Variants in NMNAT2 observed in about 807,000 individuals in gnomAD.
The protein encoded by NMNAT2 is nicotinamide nucleotide adenylyltransferase 2.
A neutral mutation model predicts 41.6 loss-of-function variants in NMNAT2; 11 were observed. The observed-to-expected ratio is 0.26, with a 90% confidence interval of 0.17 to 0.44. The LOEUF (loss-of-function observed/expected upper bound fraction) is 0.44. NMNAT2 is among the 20% of genes least tolerant of loss of function. The pLI, the probability that NMNAT2 is intolerant of heterozygous loss-of-function variation, is 1.00. For missense variants in NMNAT2, 288 were observed against 407.7 expected (o/e 0.71, Z 2.53); for synonymous variants, 148 against 151.2 (o/e 0.98, Z 0.16).
chr1:183,275,703 TGC>T (rs1661105138), intron 8 of NMNAT2, among the ~76,000 whole-genome samples: 1 of 151,984 alleles, frequency 6.6e-6, no homozygotes. Context: ...GACAGAGTCT[TGC>T]TCTGTCACCC....
chr1:183,293,495 G>A (rs1223899719), intron 2 of NMNAT2, among the ~76,000 whole-genome samples: 2 of 152,194 alleles, frequency 1.3e-5, no homozygotes, highest in African/African-American at 4.8e-5. Context: ...ATGGACAGCT[G>A]GTCTTTCCAG....
chr1:183,279,780 G>A (rs1317153777), intron 7 of NMNAT2, among the ~76,000 whole-genome samples: 1 of 152,228 alleles, frequency 6.6e-6, no homozygotes, highest in African/African-American at 2.4e-5. Flanking sequence ...CCACGTAAGG[G>A]AGCCCCACTG....
At chr1:183,371,226 T>G (rs1262426236) in intron 1 of NMNAT2, among the ~76,000 whole-genome samples, 5 of 152,168 alleles carry the variant, frequency 3.3e-5, no homozygotes, top group South Asian at 2.1e-4. Context: ...TGAAAAAGGC[T>G]ATATACAGCA....
intron 8 of NMNAT2, among the ~76,000 whole-genome samples, chr1:183,273,987 A>G (rs1168228465): frequency 6.6e-6 from 1 of 151,254 alleles, no homozygotes; most frequent in African/African-American, 2.4e-5. Context: ...ATCTTGGCTC[A>G]CTGCAACCTC....
At chr1:183,288,469 C>T (rs763199535) in intron 4 of NMNAT2, among the ~76,000 whole-genome samples, 9 of 152,218 alleles carry the variant, frequency 5.9e-5, no homozygotes, top group Admixed American at 1.3e-4. Context: ...TTCTGCCCAT[C>T]GCTGCAACAG....
At chr1:183,282,155 C>T (rs1413679171) in intron 7 of NMNAT2, among the ~76,000 whole-genome samples, 1 of 152,206 alleles carries the variant, frequency 6.6e-6, no homozygotes, top group Non-Finnish European at 1.5e-5. Context: ...CATTCTCTAC[C>T]CCACACTGTC....
intron 1 of NMNAT2, among the ~76,000 whole-genome samples, chr1:183,314,190 C>G (rs1662190408): frequency 6.6e-6 from 1 of 152,216 alleles, no homozygotes; most frequent in Non-Finnish European, 1.5e-5. Context: ...CCAAACAGAG[C>G]AAATATAATG....
chr1:183,257,955 T>C (rs1660562899), intron 10 of NMNAT2, among the ~76,000 whole-genome samples: 1 of 152,208 alleles, frequency 6.6e-6, no homozygotes, highest in Non-Finnish European at 1.5e-5. Context: ...TTTGGGGTCT[T>C]TCTTCTGTTT....
At chr1:183,338,154 A>AAG (rs1179659671) in intron 1 of NMNAT2, among the ~76,000 whole-genome samples, 16 of 148,922 alleles carry the variant, frequency 1.1e-4, no homozygotes, top group Admixed American at 4.0e-4. Flanking sequence ...CTCTTTAAAA[A>AAG]AAAAAAAAAA....
intron 1 of NMNAT2, among the ~76,000 whole-genome samples, chr1:183,349,493 G>A (rs957993361): frequency 4.6e-5 from 7 of 152,272 alleles, no homozygotes; most frequent in African/African-American, 1.7e-4. Context: ...CCCCCGCTGA[G>A]AATTTTAAAT....
chr1:183,363,782 G>A (rs1024923283), intron 1 of NMNAT2, among the ~76,000 whole-genome samples: 6 of 152,204 alleles, frequency 3.9e-5, no homozygotes, highest in Non-Finnish European at 5.9e-5. Context: ...AGGGTGGCTT[G>A]AGAGGGTTGG....
chr1:183,384,414 C>T (rs754076047), intron 1 of NMNAT2, among the ~76,000 whole-genome samples: 10 of 152,088 alleles, frequency 6.6e-5, no homozygotes, highest in African/African-American at 1.2e-4. Context: ...TGGCCATGCT[C>T]GTCTCAAACT....
At chr1:183,395,499 G>A (rs1308009576) in intron 1 of NMNAT2, among the ~76,000 whole-genome samples, 1 of 152,088 alleles carries the variant, frequency 6.6e-6, no homozygotes, top group Non-Finnish European at 1.5e-5. Context: ...CCTCTCCCTA[G>A]AGTTGAGTGG....
chr1:183,416,681 G>T (rs1002696028), intron 1 of NMNAT2, among the ~76,000 whole-genome samples: 3 of 152,176 alleles, frequency 2.0e-5, no homozygotes, highest in Admixed American at 6.5e-5. Context: ...CTTCTATCGT[G>T]TAGATATGCC....
chr1:183,287,136 G>A (rs534255487), intron 4 of NMNAT2, among the ~76,000 whole-genome samples: 3 of 152,188 alleles, frequency 2.0e-5, no homozygotes, highest in Non-Finnish European at 2.9e-5. Context: ...TCACACAAGC[G>A]AGCATATGCA....
At chr1:183,336,288 G>GAT (rs1477998531) in intron 1 of NMNAT2, among the ~76,000 whole-genome samples, 4 of 152,114 alleles carry the variant, frequency 2.6e-5, no homozygotes, top group Non-Finnish European at 4.4e-5. Context: ...CACAAAAGAA[G>GAT]ATATATATAA....
intron 1 of NMNAT2, among the ~76,000 whole-genome samples, chr1:183,297,176 C>T (rs1661724500): frequency 6.6e-6 from 1 of 151,274 alleles, no homozygotes; most frequent in Admixed American, 6.6e-5. Flanking sequence ...CCGGCCACCT[C>T]ACTAATCTCA....
intron 1 of NMNAT2, among the ~76,000 whole-genome samples, chr1:183,393,032 C>G (rs1172509981): frequency 6.6e-6 from 1 of 152,170 alleles, no homozygotes; most frequent in African/African-American, 2.4e-5. Context: ...ACTGTCTTAA[C>G]ATAGTAGGCA....
At chr1:183,413,602 CTTTT>C (rs71130613) in intron 1 of NMNAT2, among the ~76,000 whole-genome samples, 3 of 82,528 alleles carry the variant, frequency 3.6e-5, no homozygotes, top group African/African-American at 9.4e-5. Flanking sequence ...TCTTTTCTTT[CTTTT>C]TTTTTTTTTT....
Sources: gnomAD v4.1 joint callset for allele counts (sites outside exome capture counted in the v4.1 genomes callset) on GRCh38, gnomAD v4.1.1 for gene constraint, MANE v1.5 for transcripts, NCBI Gene and HGNC (gene_info 2026-07-23, HGNC 2026-07-21) for gene names.